Variants in TRIO observed in about 807,000 individuals in gnomAD.
TRIO encodes trio Rho guanine nucleotide exchange factor, also known as triple functional domain protein.
A neutral mutation model predicts 351.9 loss-of-function variants in TRIO; 58 were observed. That is an observed-to-expected ratio of 0.16 (90% CI 0.13 to 0.21). TRIO has a LOEUF of 0.21. Ranked by LOEUF, TRIO falls within the 10% of genes least tolerant of loss-of-function variation. The pLI is 1.00. For synonymous variants in TRIO, 1,758 were observed against 1,595.7 expected, an observed-to-expected ratio of 1.10 and a Z score of -2.42; for missense variants, 3,201 against 4,027.8, an observed-to-expected ratio of 0.79 and a Z score of 5.56.
At chr5:14,472,775 TAA>T in intron 39 of TRIO, 117 bp downstream of exon 39, 2 of 1,131,126 alleles carry the variant, frequency 1.8e-6, no homozygotes, top group South Asian at 3.4e-5. Flanking sequence ...TGACCCAAAA[TAA>T]AAAGTGACCA....
intron 1 of TRIO, among the ~76,000 whole-genome samples, chr5:14,254,554 G>A (rs984004416): frequency 6.6e-6 from 1 of 152,186 alleles, no homozygotes; most frequent in Non-Finnish European, 1.5e-5. Flanking sequence ...TACAGGAAGT[G>A]GGGAGCCCTG....
chr5:14,406,044 C>A, intron 32 of TRIO, 54 bp downstream of exon 32: 1 of 1,589,158 alleles, frequency 6.3e-7, no homozygotes, highest in Non-Finnish European at 8.6e-7. Flanking sequence ...AGGGGCGAGG[C>A]GGTGTTAGCT....
At chr5:14,150,848 G>A (rs958411175) in intron 1 of TRIO, among the ~76,000 whole-genome samples, 1 of 152,300 alleles carries the variant, frequency 6.6e-6, no homozygotes, top group African/African-American at 2.4e-5. Flanking sequence ...GTGATCTAGG[G>A]TAATGGTAAA....
At chr5:14,207,500 G>C in intron 1 of TRIO, among the ~76,000 whole-genome samples, 1 of 42,660 alleles carries the variant, frequency 2.3e-5, no homozygotes, top group African/African-American at 8.3e-5. Flanking sequence ...ACACAGCCAG[G>C]TAGCATAGCA....
In TRIO at chr5:14,508,317, G is replaced by C. The variant is rs73063533; in HGVS notation, c.9189G>C (p.Thr3063=). 6.2e-7 allele frequency: 1 copy of C among 1,613,994 alleles called. No individual in the cohort carries two copies. The highest frequency in any genetic ancestry group is 8.5e-7 in the Non-Finnish European group (1 of 1,180,050). Residue 3063 remains threonine, a synonymous_variant, in exon 57 of 57, where the codon ACG becomes ACC. Transcript: ENST00000344204. ...GCAGAAGCACGGGCGTCCTCGACAC[G>C]TCCAGACTGACTTCCTTCATTGAGC... is the stretch of plus-strand genomic sequence containing the variant. ...GNGRSTGVLD[T]SRLTSFIERR... is the part of the protein sequence containing the mutation.
intron 1 of TRIO, among the ~76,000 whole-genome samples, chr5:14,235,178 T>C (rs1165244088): frequency 6.6e-6 from 1 of 152,166 alleles, no homozygotes; most frequent in African/African-American, 2.4e-5. Flanking sequence ...ACTCAAAATA[T>C]AAGGGAAACC....
intron 11 of TRIO, among the ~76,000 whole-genome samples, chr5:14,340,777 C>G (rs1438758789): frequency 6.6e-6 from 1 of 152,172 alleles, no homozygotes; most frequent in Non-Finnish European, 1.5e-5. Context: ...CCTCTGTACT[C>G]TGGTTCTTTT....
intron 1 of TRIO, among the ~76,000 whole-genome samples, chr5:14,243,155 T>C (rs939580659): frequency 1.3e-5 from 2 of 152,164 alleles, no homozygotes; most frequent in Non-Finnish European, 2.9e-5. Context: ...CCATTACTGC[T>C]ATGGCTCTTT....
chr5:14,502,470 T>C, intron 53 of TRIO, 109 bp from the exon 54 acceptor site: 1 of 973,186 alleles, frequency 1.0e-6, no homozygotes, highest in South Asian at 1.4e-5. Flanking sequence ...GTGTGGCAGG[T>C]GCCCGGTGGC....
At chr5:14,364,489 C>T (rs908799835) in intron 14 of TRIO, among the ~76,000 whole-genome samples, 161 bp from the exon 15 acceptor site, 9 of 152,220 alleles carry the variant, frequency 5.9e-5, no homozygotes, top group African/African-American at 1.9e-4. Context: ...CCTATACATC[C>T]TTTGACACAC....
At chr5:14,391,061 C>A in intron 27 of TRIO, 71 bp downstream of exon 27, 2 of 1,185,284 alleles carry the variant, frequency 1.7e-6, no homozygotes, top group African/African-American at 1.6e-5. Context: ...TTACTCATAA[C>A]TTTCACCTAA....
chr5:14,408,128 T>A (rs1283366775), intron 33 of TRIO, among the ~76,000 whole-genome samples: 1 of 152,200 alleles, frequency 6.6e-6, no homozygotes, highest in Non-Finnish European at 1.5e-5. Context: ...GGGAATTGAT[T>A]CAGACAGATG....
intron 40 of TRIO, among the ~76,000 whole-genome samples, chr5:14,474,454 G>A (rs1754902268): frequency 6.6e-6 from 1 of 151,918 alleles, no homozygotes. Flanking sequence ...ATTATAATGT[G>A]GGTTTTTTGT....
chr5:14,239,421 C>A (rs1273344140), intron 1 of TRIO, among the ~76,000 whole-genome samples: 1 of 152,166 alleles, frequency 6.6e-6, no homozygotes, highest in Non-Finnish European at 1.5e-5. Context: ...TCTCTACTAA[C>A]AGAAATACGC....
chr5:14,294,918 A>AT (rs956285610), intron 6 of TRIO, among the ~76,000 whole-genome samples: 1 of 151,896 alleles, frequency 6.6e-6, no homozygotes, highest in Non-Finnish European at 1.5e-5. Flanking sequence ...AGTTACAGCT[A>AT]TTTTTTTTGG....
At chr5:14,340,457 C>G (rs998621108) in intron 11 of TRIO, among the ~76,000 whole-genome samples, 6 of 151,418 alleles carry the variant, frequency 4.0e-5, no homozygotes, top group African/African-American at 1.2e-4. Flanking sequence ...ATTCATGAAG[C>G]TTTTTTAGAA....
At chr5:14,410,512 A>C (rs1749109360) in intron 33 of TRIO, among the ~76,000 whole-genome samples, 1 of 152,172 alleles carries the variant, frequency 6.6e-6, no homozygotes, top group African/African-American at 2.4e-5. Context: ...TTTCTGCCCT[A>C]CGTAGTTTAA....
chr5:14,449,145 G>A (rs895745950), intron 34 of TRIO, among the ~76,000 whole-genome samples: 1 of 152,152 alleles, frequency 6.6e-6, no homozygotes, highest in Non-Finnish European at 1.5e-5. Context: ...TGACATCGTG[G>A]TTTTTAACAA....
chr5:14,151,388 G>GTT (rs1787822671), intron 1 of TRIO, among the ~76,000 whole-genome samples: 1 of 21,688 alleles, frequency 4.6e-5, no homozygotes, highest in East Asian at 7.8e-4. Flanking sequence ...GTGTGTGTTT[G>GTT]TGTGTGTGTG....
Sources: allele counts gnomAD v4.1 joint callset (sites outside exome capture counted in the v4.1 genomes callset), GRCh38; gene constraint gnomAD v4.1.1; transcripts MANE v1.5; gene names NCBI Gene and HGNC (gene_info 2026-07-23, HGNC 2026-07-21).